Variants in HIP1 observed in about 807,000 individuals in gnomAD.
The protein encoded by HIP1 is huntingtin interacting protein 1.
HIP1 carries 65 observed loss-of-function variants against 147.6 expected under a neutral mutation model. That is an observed-to-expected ratio of 0.44 (90% CI 0.36 to 0.54). HIP1 has a LOEUF of 0.54. HIP1 is among the 20% of genes least tolerant of loss of function. HIP1 has a pLI of 0.00. For missense variants in HIP1, 1,061 were observed against 1,299.6 expected, an observed-to-expected ratio of 0.82 and a Z score of 2.82; for synonymous variants, 479 against 504.0, an observed-to-expected ratio of 0.95 and a Z score of 0.67.
At chr7:75,578,909 G>A (rs1230925482) in intron 7 of HIP1, among the ~76,000 whole-genome samples, 8 of 151,824 alleles carry the variant, frequency 5.3e-5, no homozygotes, top group African/African-American at 1.7e-4. Context: ...TCTGCCTCCC[G>A]GGTTCAAGCA....
At chr7:75,646,236 C>T (rs1176462218) in intron 1 of HIP1, among the ~76,000 whole-genome samples, 3 of 152,138 alleles carry the variant, frequency 2.0e-5, no homozygotes, top group Non-Finnish European at 2.9e-5. Context: ...CCCGCCACCA[C>T]GCCCGGCTAA....
rs190882550 is a variant in HIP1, at chr7:75,649,149, C to G, written c.121-49902G>C. 4.8e-3 allele frequency among the ~76,000 whole-genome samples: 733 copies of G among 152,154 alleles called. 22 individuals are homozygous for G. The highest frequency in any genetic ancestry group is 0.042 in the Admixed American group (641 of 15,276). On this transcript the variant is annotated intron_variant, in intron 1 of 30. Coordinates refer to ENST00000336926, the MANE Select transcript of HIP1 (RefSeq NM_005338.7). ...AAGCAATTCTCCTGCCTCATCCTCC[C>G]GAGTAGCTGGGATTATAGGCATATG...
intron 1 of HIP1, among the ~76,000 whole-genome samples, chr7:75,609,798 T>A (rs995274604): frequency 1.3e-5 from 2 of 152,098 alleles, no homozygotes; most frequent in East Asian, 3.9e-4. Context: ...CCTCATGATC[T>A]TCCGCCTCGG....
intron 22 of HIP1, 129 bp from the exon 23 acceptor site, chr7:75,549,130 T>A: frequency 1.6e-6 from 1 of 622,862 alleles, no homozygotes; most frequent in African/African-American, 2.1e-5. Context: ...GCCACAGGGG[T>A]TGTGGGGGGG....
At chr7:75,594,135 C>T (rs1389413117) in intron 2 of HIP1, among the ~76,000 whole-genome samples, 1 of 151,830 alleles carries the variant, frequency 6.6e-6, no homozygotes, top group Non-Finnish European at 1.5e-5. Flanking sequence ...ACAAAATTAG[C>T]CCAGTGTGGT....
intron 7 of HIP1, 143 bp downstream of exon 7, chr7:75,581,094 C>T: frequency 3.1e-6 from 2 of 641,566 alleles, no homozygotes; most frequent in Non-Finnish European, 5.6e-6. Flanking sequence ...TCCCTCCCTG[C>T]ACGAGGGTTG....
chr7:75,682,779 A>G (rs964331182), intron 1 of HIP1, among the ~76,000 whole-genome samples: 4 of 152,152 alleles, frequency 2.6e-5, no homozygotes, highest in African/African-American at 4.8e-5. Flanking sequence ...ACTCAGAAAC[A>G]GGAGCAAGCT....
At chr7:75,592,616 ATCACAGGGGATAGAGG>A in intron 2 of HIP1, 102 bp from the exon 3 acceptor site, 1 of 1,219,922 alleles carries the variant, frequency 8.2e-7, no homozygotes. Flanking sequence ...GCACCCAGCC[ATCACAGGGGATAGAGG>A]CTGCACCCAG....
At chr7:75,626,020 T>C (rs1798023788) in intron 1 of HIP1, 1 of 152,018 alleles carries the variant, frequency 6.6e-6, no homozygotes, top group South Asian at 2.1e-4. Context: ...GGCGAGAAAA[T>C]GCCATCTATG....
chr7:75,678,254 T>C (rs797028562), intron 1 of HIP1, among the ~76,000 whole-genome samples: 6 of 152,236 alleles, frequency 3.9e-5, no homozygotes, highest in African/African-American at 1.4e-4. Flanking sequence ...CTCACAGAAT[T>C]CTCTTTCCCT....
At chr7:75,538,667 C>T (rs1210767256) in intron 30 of HIP1, among the ~76,000 whole-genome samples, 5 of 151,350 alleles carry the variant, frequency 3.3e-5, no homozygotes, top group East Asian at 1.9e-4. Context: ...CTCCGCCTCC[C>T]GGGTTCACGC....
intron 22 of HIP1, among the ~76,000 whole-genome samples, chr7:75,551,984 G>A (rs1794802777): frequency 6.6e-6 from 1 of 152,068 alleles, no homozygotes. Context: ...CAGCCTCCCA[G>A]GTTCAAGTGA....
At chr7:75,732,615 A>G (rs1801873013) in intron 1 of HIP1, among the ~76,000 whole-genome samples, 1 of 152,112 alleles carries the variant, frequency 6.6e-6, no homozygotes, top group Admixed American at 6.6e-5. Flanking sequence ...TCCTGGGCTC[A>G]AGCCATCCTC....
intron 1 of HIP1, among the ~76,000 whole-genome samples, chr7:75,618,027 C>CG (rs1797727487): frequency 6.6e-6 from 1 of 152,254 alleles, no homozygotes. Flanking sequence ...GGAAGCCTTC[C>CG]GGATAGGCAG....
intron 1 of HIP1, among the ~76,000 whole-genome samples, chr7:75,718,092 G>C (rs556680742): frequency 6.6e-5 from 10 of 151,754 alleles, no homozygotes; most frequent in African/African-American, 2.4e-4. Context: ...AGATCAGGCT[G>C]GACAACATAG....
At chr7:75,630,458 CA>C (rs34336932) in intron 1 of HIP1, among the ~76,000 whole-genome samples, 23,845 of 105,122 alleles carry the variant, frequency 0.23, 1,786 homozygotes, top group Non-Finnish European at 0.3. Context: ...AGATCCACCT[CA>C]AAAAAAAAAA....
chr7:75,623,113 G>A (rs782610484), intron 1 of HIP1, among the ~76,000 whole-genome samples: 2 of 148,822 alleles, frequency 1.3e-5, no homozygotes, highest in South Asian at 2.1e-4. Flanking sequence ...CAGGAGAATC[G>A]CTGGAACCTG....
chr7:75,553,287 T>A (rs1554492462), intron 22 of HIP1, among the ~76,000 whole-genome samples, 166 bp downstream of exon 22: 1 of 151,868 alleles, frequency 6.6e-6, no homozygotes, highest in East Asian at 1.9e-4. Flanking sequence ...ATTACACGCA[T>A]AAATCACTGC....
chr7:75,676,730 C>T (rs940454864), intron 1 of HIP1, among the ~76,000 whole-genome samples: 3 of 150,152 alleles, frequency 2.0e-5, no homozygotes, highest in East Asian at 2.0e-4. Context: ...GGGCCGAGAT[C>T]GTGCCATTGC....
Sources: allele counts gnomAD v4.1 joint callset (sites outside exome capture counted in the v4.1 genomes callset), GRCh38; gene constraint gnomAD v4.1.1; transcripts MANE v1.5; gene names NCBI Gene and HGNC (gene_info 2026-07-23, HGNC 2026-07-21).